The following GPC5 variants were observed in gnomAD, a reference collection of about 807,000 sequenced individuals.
The protein encoded by GPC5 is glypican-5.
Under a neutral mutation model 53.9 loss-of-function variants are expected in GPC5, and 47 were observed. The ratio of observed to expected loss-of-function variants is 0.87; its 90% CI spans 0.69 to 1.11. The LOEUF is 1.11. GPC5 is among the 50% of genes most tolerant of loss of function. The pLI, the probability that GPC5 is intolerant of heterozygous loss-of-function variation, is 0.00. For synonymous variants in GPC5, 286 were observed against 263.3 expected (o/e 1.09, Z -0.84); for missense variants, 748 against 713.1 (o/e 1.05, Z -0.56).
At chr13:92,838,488 CAAA>C (rs59632518) in intron 7 of GPC5, among the ~76,000 whole-genome samples, 39 of 137,810 alleles carry the variant, frequency 2.8e-4, no homozygotes, top group African/African-American at 9.3e-4. Flanking sequence ...GCGCCCCCCC[CAAA>C]AAAAAAAAGA....
chr13:91,650,551 T>TGAG (rs1283153157), intron 2 of GPC5, among the ~76,000 whole-genome samples: 2 of 150,884 alleles, frequency 1.3e-5, no homozygotes, highest in Non-Finnish European at 2.9e-5. Context: ...CAAAACAAGA[T>TGAG]GAGTAAACTT....
At chr13:91,877,910 T>TG (rs2039221766) in intron 5 of GPC5, among the ~76,000 whole-genome samples, 1 of 152,124 alleles carries the variant, frequency 6.6e-6, no homozygotes, top group African/African-American at 2.4e-5. Context: ...GTCTTTCCTG[T>TG]GCTTTTCTCA....
At chr13:91,636,877 G>A (rs747577252) in intron 2 of GPC5, among the ~76,000 whole-genome samples, 4 of 152,152 alleles carry the variant, frequency 2.6e-5, no homozygotes, top group African/African-American at 4.8e-5. Flanking sequence ...AGCATTGCTC[G>A]AGTCCAGGCA....
At chr13:91,500,111 T>C (rs910511813) in intron 2 of GPC5, among the ~76,000 whole-genome samples, 3 of 152,328 alleles carry the variant, frequency 2.0e-5, no homozygotes, top group African/African-American at 7.2e-5. Flanking sequence ...CTGTATCAAA[T>C]AGACTTCCAC....
At chr13:92,640,048 T>A (rs536179221) in intron 7 of GPC5, among the ~76,000 whole-genome samples, 2 of 151,628 alleles carry the variant, frequency 1.3e-5, no homozygotes, top group African/African-American at 4.8e-5. Flanking sequence ...GGCACCTAAG[T>A]CAAATGTAGC....
chr13:92,740,701 G>C (rs1889059712), intron 7 of GPC5, among the ~76,000 whole-genome samples: 1 of 151,842 alleles, frequency 6.6e-6, no homozygotes, highest in African/African-American at 2.4e-5. Flanking sequence ...TCTACACATG[G>C]AGATTGTGGG....
chr13:92,651,832 A>G (rs576273007), intron 7 of GPC5, among the ~76,000 whole-genome samples: 1 of 152,292 alleles, frequency 6.6e-6, no homozygotes, highest in Non-Finnish European at 1.5e-5. Flanking sequence ...AAGAAATTTA[A>G]AATGTGATTG....
At chr13:92,294,826 C>CTTTTTT (rs147963724) in intron 7 of GPC5, among the ~76,000 whole-genome samples, 3 of 99,000 alleles carry the variant, frequency 3.0e-5, no homozygotes, top group Admixed American at 1.2e-4. Flanking sequence ...TTTTTTTTTT[C>CTTTTTT]TTTTTTTTTT....
In GPC5 at chr13:91,549,972, T is replaced by C; in HGVS notation, c.325+101050T>C. ...TGCACATGGATGTTTATAGCAGATT[T>C]ATTTACAATTGCCAAAACTCCAGAG... On this transcript the variant is annotated intron_variant, in intron 2 of 7. Coordinates refer to ENST00000377067, the MANE Select transcript of GPC5 (RefSeq NM_004466.6). Among the ~76,000 whole-genome samples, 2 of 152,202 alleles carry C rather than the reference T, an allele frequency of 1.3e-5. 1 individual carries two copies. Among genetic ancestry groups the C allele is most frequent in the Non-Finnish European group, 2.9e-5 (2 of 68,034 alleles).
At chr13:92,162,166 T>C (rs576898189) in intron 7 of GPC5, among the ~76,000 whole-genome samples, 15 of 151,990 alleles carry the variant, frequency 9.9e-5, no homozygotes, top group South Asian at 2.1e-4. Flanking sequence ...CATAAGAACA[T>C]TGTACTCATT....
rs1199726263 is a variant in GPC5 at position 92,004,815 on chromosome 13, T to C, written c.1401+96758T>C. Among the ~76,000 whole-genome samples the C allele has an allele frequency of 7.2e-5, 11 of 151,994 alleles. No homozygotes were observed. The South Asian group carries it at 1.7e-3, about 23-fold the overall frequency. On this transcript the variant is annotated intron_variant, in intron 6 of 7. Transcript: ENST00000377067. ...GGAAACCCCTTGTAAAAACATCAGATCTTAAGAGACTTATTCACTAACATG... is the reference window on the plus strand; with the variant it reads ...GGAAACCCCTTGTAAAAACATCAGACCTTAAGAGACTTATTCACTAACATG...
At chr13:92,268,587 T>G (rs1340392584) in intron 7 of GPC5, among the ~76,000 whole-genome samples, 1 of 151,998 alleles carries the variant, frequency 6.6e-6, no homozygotes, top group Admixed American at 6.5e-5. Flanking sequence ...CTTTTTTTTT[T>G]GCTATTATAC....
chr13:92,017,698 T>C (rs2040719012), intron 6 of GPC5, among the ~76,000 whole-genome samples: 2 of 152,128 alleles, frequency 1.3e-5, no homozygotes, highest in Non-Finnish European at 2.9e-5. Context: ...GACCCATGTG[T>C]GTCTATACAT....
At chr13:92,741,824 A>C (rs1889104491) in intron 7 of GPC5, among the ~76,000 whole-genome samples, 1 of 152,046 alleles carries the variant, frequency 6.6e-6, no homozygotes, top group Non-Finnish European at 1.5e-5. Flanking sequence ...CCTATGAGTA[A>C]GAACACGCGG....
intron 2 of GPC5, among the ~76,000 whole-genome samples, chr13:91,592,566 C>G (rs1050750276): frequency 6.6e-6 from 1 of 152,178 alleles, no homozygotes; most frequent in African/African-American, 2.4e-5. Context: ...ATCTCACCCC[C>G]TTCATGCTCT....
chr13:91,865,185 AG>A (rs927112664), intron 5 of GPC5, among the ~76,000 whole-genome samples: 15 of 152,052 alleles, frequency 9.9e-5, no homozygotes, highest in African/African-American at 3.4e-4. Flanking sequence ...CTGGGATTAG[AG>A]GTGTGAGCCA....
intron 7 of GPC5, among the ~76,000 whole-genome samples, chr13:92,562,328 G>T (rs1229084617): frequency 1.3e-5 from 2 of 152,048 alleles, no homozygotes; most frequent in East Asian, 3.9e-4. Flanking sequence ...CAAGAAGTCT[G>T]TGTTCTCCTT....
chr13:92,104,394 T>C (rs1445045081), intron 6 of GPC5, among the ~76,000 whole-genome samples: 1 of 152,208 alleles, frequency 6.6e-6, no homozygotes, highest in Non-Finnish European at 1.5e-5. Flanking sequence ...TTTGACAATT[T>C]TTCCCAGTAT....
At chr13:91,642,650 G>A (rs1594370386) in intron 2 of GPC5, among the ~76,000 whole-genome samples, 1 of 151,794 alleles carries the variant, frequency 6.6e-6, no homozygotes, top group East Asian at 1.9e-4. Flanking sequence ...AAACCAGATG[G>A]CAGTGGGAGT....
Sources: gnomAD v4.1 joint callset for allele counts (sites outside exome capture counted in the v4.1 genomes callset) on GRCh38, gnomAD v4.1.1 for gene constraint, MANE v1.5 for transcripts, NCBI Gene and HGNC (gene_info 2026-07-23, HGNC 2026-07-21) for gene names.